The following HS3ST3A1 variants were observed in gnomAD, a reference collection of about 807,000 sequenced individuals.
HS3ST3A1 encodes heparan sulfate-glucosamine 3-sulfotransferase 3A1.
A neutral mutation model predicts 25.7 loss-of-function variants in HS3ST3A1; 19 were observed. The observed-to-expected ratio is 0.74, with a 90% CI of 0.52 to 1.08. The LOEUF is 1.08. HS3ST3A1 is among the 50% of genes least tolerant of loss of function. HS3ST3A1 has a pLI of 0.00. For missense variants in HS3ST3A1, 459 were observed against 594.3 expected (o/e 0.77, Z 2.37); for synonymous variants, 226 against 278.6 (o/e 0.81, Z 1.88).
At chr17:13,546,906 C>G (rs1369557452) in intron 1 of HS3ST3A1, among the ~76,000 whole-genome samples, 1 of 151,866 alleles carries the variant, frequency 6.6e-6, no homozygotes, top group East Asian at 1.9e-4. Flanking sequence ...TTAATCTTTA[C>G]TCTAAAACTT....
intron 1 of HS3ST3A1, among the ~76,000 whole-genome samples, chr17:13,567,830 C>A (rs1028764980): frequency 2.0e-5 from 3 of 152,164 alleles, no homozygotes; most frequent in African/African-American, 4.8e-5. Flanking sequence ...TTTCTTGAGA[C>A]GGAATCTCCT....
intron 1 of HS3ST3A1, among the ~76,000 whole-genome samples, chr17:13,513,739 C>T (rs543665425): frequency 6.6e-6 from 1 of 152,240 alleles, no homozygotes; most frequent in African/African-American, 2.4e-5. Flanking sequence ...TTTAGTGAAT[C>T]CCTTATTATT....
chr17:13,582,825 T>C (rs946489150), intron 1 of HS3ST3A1, among the ~76,000 whole-genome samples: 1 of 152,232 alleles, frequency 6.6e-6, no homozygotes, highest in Non-Finnish European at 1.5e-5. Context: ...TAGATAATGC[T>C]GTAATACAGA....
rs533293743 is a variant in HS3ST3A1, at chr17:13,523,344, CAAAT to C, written c.600-26530_600-26527del. Among the ~76,000 whole-genome samples, 180 of 151,946 alleles carry C rather than the reference CAAAT, an allele frequency of 1.2e-3. 1 individual carries two copies. Among genetic ancestry groups the C allele is most frequent in the Non-Finnish European group, 2.5e-4 (17 of 67,982 alleles). On this transcript the variant is annotated intron_variant, in intron 1 of 1. Coordinates refer to ENST00000284110, the MANE Select transcript of HS3ST3A1 (RefSeq NM_006042.3). ...AGGAAACTGGATCAGTTAACGGAAA[CAAAT>C]AACGTAGTAATGGGTAAGACAAAGC... is the stretch of plus-strand genomic sequence containing the variant.
chr17:13,589,569 A>G (rs1481478166), intron 1 of HS3ST3A1, among the ~76,000 whole-genome samples: 3 of 152,224 alleles, frequency 2.0e-5, no homozygotes, highest in Non-Finnish European at 4.4e-5. Context: ...GAAAGAAAAA[A>G]GTGGCCTTTC....
intron 1 of HS3ST3A1, among the ~76,000 whole-genome samples, chr17:13,514,984 T>C (rs2142311303): frequency 6.6e-6 from 1 of 152,286 alleles, no homozygotes; most frequent in South Asian, 2.1e-4. Context: ...TAAAAAGTCA[T>C]CTCTTCCTAA....
chr17:13,534,063 A>T (rs1906693997), intron 1 of HS3ST3A1, among the ~76,000 whole-genome samples: 1 of 152,206 alleles, frequency 6.6e-6, no homozygotes, highest in South Asian at 2.1e-4. Flanking sequence ...ATAACCTGCA[A>T]GTTTTCTTCC....
At position 13,578,313 on chromosome 17, in the gene HS3ST3A1, C is replaced by T. The variant is rs1056968231; in HGVS notation, c.599+22218G>A. Among the ~76,000 whole-genome samples the T allele has an allele frequency of 6.0e-5, 9 of 149,572 alleles. No homozygotes were observed. The South Asian group carries it at 1.1e-3, about 18-fold the overall frequency. On this transcript the variant is annotated intron_variant, in intron 1 of 1. Transcript: ENST00000284110. ...CTGTAATCTCAGAGCTTTGTGAGGC[C>T]GAGGTGGGCGGATCACCTGAGGTCT...
At chr17:13,591,252 G>A (rs1326514411) in intron 1 of HS3ST3A1, among the ~76,000 whole-genome samples, 1 of 151,854 alleles carries the variant, frequency 6.6e-6, no homozygotes, top group Non-Finnish European at 1.5e-5. Flanking sequence ...TTACCATGTT[G>A]CCCAGGCTGG....
chr17:13,577,459 C>G (rs1050823658), intron 1 of HS3ST3A1, among the ~76,000 whole-genome samples: 2 of 152,142 alleles, frequency 1.3e-5, no homozygotes, highest in Non-Finnish European at 2.9e-5. Flanking sequence ...GCCTTTTGGT[C>G]TGGCAAGGAA....
intron 1 of HS3ST3A1, among the ~76,000 whole-genome samples, chr17:13,564,924 G>T (rs1907640308): frequency 6.6e-6 from 1 of 152,000 alleles, no homozygotes; most frequent in Non-Finnish European, 1.5e-5. Context: ...GTTCTGCCAA[G>T]TTGGCCAGGC....
chr17:13,598,338 G>C (rs1803378195), intron 1 of HS3ST3A1, among the ~76,000 whole-genome samples: 1 of 152,130 alleles, frequency 6.6e-6, no homozygotes, highest in Admixed American at 6.5e-5. Context: ...AGATGAAAGA[G>C]AACTGTGGGG....
chr17:13,560,187 G>A (rs561610691), intron 1 of HS3ST3A1, among the ~76,000 whole-genome samples: 2 of 148,442 alleles, frequency 1.3e-5, no homozygotes, highest in South Asian at 4.3e-4. Flanking sequence ...CTACTCGCGA[G>A]GCTGAGGCAG....
chr17:13,599,373 G>C (rs140340786), intron 1 of HS3ST3A1, among the ~76,000 whole-genome samples: 2 of 152,240 alleles, frequency 1.3e-5, no homozygotes, highest in African/African-American at 4.8e-5. Flanking sequence ...GACTGCAATT[G>C]GCCCCTCAAG....
chr17:13,590,902 T>C (rs1908405140), intron 1 of HS3ST3A1, among the ~76,000 whole-genome samples: 1 of 146,726 alleles, frequency 6.8e-6, no homozygotes, highest in South Asian at 2.2e-4. Flanking sequence ...GGGAGAGCAC[T>C]GGATTGGGGG....
At chr17:13,505,574 C>T (rs1330608876) in intron 1 of HS3ST3A1, among the ~76,000 whole-genome samples, 5 of 149,612 alleles carry the variant, frequency 3.3e-5, no homozygotes, top group Non-Finnish European at 5.9e-5. Flanking sequence ...TGGGTGAGGA[C>T]AAAAGGAATA....
intron 1 of HS3ST3A1, among the ~76,000 whole-genome samples, chr17:13,512,087 C>T (rs1253154441): frequency 1.3e-5 from 2 of 152,068 alleles, no homozygotes; most frequent in African/African-American, 4.8e-5. Context: ...TCCCTGAGGT[C>T]AGGAGATCGA....
At chr17:13,564,140 G>A (rs1041016422) in intron 1 of HS3ST3A1, among the ~76,000 whole-genome samples, 1 of 152,114 alleles carries the variant, frequency 6.6e-6, no homozygotes, top group Non-Finnish European at 1.5e-5. Flanking sequence ...CTCATGACAT[G>A]TGTTAATGAT....
intron 1 of HS3ST3A1, among the ~76,000 whole-genome samples, chr17:13,533,639 T>G (rs1403796990): frequency 2.6e-5 from 4 of 152,006 alleles, no homozygotes; most frequent in Non-Finnish European, 5.9e-5. Context: ...TAGAAAGATG[T>G]TACTTTCATG....
Sources: gnomAD v4.1 joint callset for allele counts (sites outside exome capture counted in the v4.1 genomes callset) on GRCh38, gnomAD v4.1.1 for gene constraint, MANE v1.5 for transcripts, NCBI Gene and HGNC (gene_info 2026-07-23, HGNC 2026-07-21) for gene names.